The following SP3 variants were observed in gnomAD, a reference collection of about 807,000 sequenced individuals.
The protein encoded by SP3 is transcription factor Sp3.
A neutral mutation model predicts 70.3 loss-of-function variants in SP3; 10 were observed. The ratio of observed to expected loss-of-function variants is 0.14; its 90% CI spans 0.09 to 0.24. SP3 has a LOEUF of 0.24. SP3 is among the 10% of genes least tolerant of loss of function. The pLI is 1.00. For missense variants in SP3, 825 were observed against 914.6 expected (o/e 0.90, Z 1.26); for synonymous variants, 402 against 333.5 (o/e 1.21, Z -2.24).
intron 4 of SP3, among the ~76,000 whole-genome samples, chr2:173,927,881 A>C (rs900691718): frequency 3.9e-5 from 6 of 152,226 alleles, no homozygotes; most frequent in African/African-American, 1.4e-4. Flanking sequence ...CTTGGCAGGA[A>C]GCTCAGAACG....
rs200144231 is a variant in SP3 at position 173,904,478 on chromosome 2, GA to G, written c.*5462del. Among the ~76,000 whole-genome samples the G allele has an allele frequency of 8.3e-3, 1,266 of 152,318 alleles. 32 individuals carry two copies. Among genetic ancestry groups the G allele is most frequent in the East Asian group, 0.073 (378 of 5,186 alleles). On this transcript the variant is annotated 3_prime_UTR_variant, in exon 7 of 7. Coordinates refer to ENST00000310015, the MANE Select transcript of SP3 (RefSeq NM_003111.5). ...CTATCTTGTGGAACCCCAGGAGGAT[GA>G]AATGCAGATAGTGAAATGCAAGACA...
At chr2:173,956,894 T>C (rs115212010) in intron 3 of SP3, among the ~76,000 whole-genome samples, 1 of 152,210 alleles carries the variant, frequency 6.6e-6, no homozygotes, top group Non-Finnish European at 1.5e-5. Context: ...ACTGTGACTT[T>C]ACTTACTAGT....
intron 5 of SP3, 102 bp downstream of exon 5, chr2:173,918,491 T>C (rs1689667163): frequency 1.7e-6 from 2 of 1,186,756 alleles, no homozygotes; most frequent in South Asian, 1.6e-5. Context: ...AAAATGATCA[T>C]GTAATAATTT....
At chr2:173,916,074 G>A (rs573416459) in intron 5 of SP3, 2 of 152,074 alleles carry the variant, frequency 1.3e-5, no homozygotes, top group Admixed American at 6.5e-5. Flanking sequence ...CCTATGTTAT[G>A]CTTCTATCAA....
intron 4 of SP3, among the ~76,000 whole-genome samples, chr2:173,932,498 A>G (rs1318563618): frequency 6.6e-6 from 1 of 151,814 alleles, no homozygotes; most frequent in Non-Finnish European, 1.5e-5. Flanking sequence ...GAACTGGCCT[A>G]GTTTCAATAT....
In SP3 at chr2:173,954,858, T is replaced by C. The variant is rs777143181; in HGVS notation, c.1639+15A>G. On this transcript the variant is annotated intron_variant, in intron 4 of 6. Transcript: ENST00000310015. ...CACTGAACTTATTTATGGCATGACA[T>C]AACTTAAGACTCACCTGCAGGACTG... 3.7e-6 allele frequency: 6 copies of C among 1,600,818 alleles called. No individual in the cohort carries two copies. Among genetic ancestry groups the C allele is most frequent in the Admixed American group, 3.4e-5 (2 of 59,384 alleles).
At chr2:173,928,279 T>G (rs553035416) in intron 4 of SP3, among the ~76,000 whole-genome samples, 21 of 152,318 alleles carry the variant, frequency 1.4e-4, no homozygotes, top group African/African-American at 5.1e-4. Flanking sequence ...TTCAAACTGT[T>G]AAGTGTCAGC....
intron 6 of SP3, 108 bp downstream of exon 6, chr2:173,912,962 G>C: frequency 1.4e-6 from 1 of 708,496 alleles, no homozygotes; most frequent in Non-Finnish European, 2.0e-6. Flanking sequence ...GTAATTCATT[G>C]TATTTTAAAT....
intron 4 of SP3, among the ~76,000 whole-genome samples, chr2:173,933,638 T>TTATATACA (rs1553516839): frequency 9.2e-5 from 8 of 86,556 alleles, no homozygotes; most frequent in African/African-American, 1.2e-4. Flanking sequence ...TTATAAAACT[T>TTATATACA]TATATATATA....
At chr2:173,933,233 T>C (rs1690114566) in intron 4 of SP3, among the ~76,000 whole-genome samples, 1 of 124,290 alleles carries the variant, frequency 8.0e-6, no homozygotes, top group South Asian at 2.5e-4. Flanking sequence ...ATACAAATTA[T>C]TCATGAAATG....
At position 173,955,171 on chromosome 2, in the gene SP3, G is replaced by T; in HGVS notation, c.1341C>A (p.Thr447=). Residue 447 remains threonine (T), a synonymous_variant, in exon 4 of 7, where the codon ACC becomes ACA. Coordinates refer to ENST00000310015, the MANE Select transcript of SP3 (RefSeq NM_003111.5). The stretch of plus-strand genomic sequence containing the variant: ...TCACTGTCTGTGCCTGAATTAAAAA[G>T]GTTCCAGGATTCAGCTGCAACTGAA... ...QNLQLQLNPG[T]FLIQAQTVTP... The T allele has an allele frequency of 1.2e-6, 2 of 1,614,166 alleles. No individual in the cohort carries two copies. The highest frequency in any genetic ancestry group is 1.7e-6 in the Non-Finnish European group (2 of 1,180,036).
At chr2:173,959,681 A>G (rs900187843) in intron 3 of SP3, among the ~76,000 whole-genome samples, 4 of 152,132 alleles carry the variant, frequency 2.6e-5, no homozygotes, top group African/African-American at 9.7e-5. Context: ...TTGGGCCTGG[A>G]AGGCGGAGAT....
intron 4 of SP3, among the ~76,000 whole-genome samples, chr2:173,927,906 T>C (rs75415405): frequency 6.6e-6 from 1 of 152,206 alleles, no homozygotes; most frequent in African/African-American, 2.4e-5. Flanking sequence ...TTAATCTTTG[T>C]CTAATTATTC....
In SP3 at chr2:173,960,696, C is replaced by T. The variant is rs185252713; in HGVS notation, c.279+3065G>A. ...TAATAGTCACTTATTTTAGGCCAGGCGCAGTGGCTTACGCCTGTAATCCCA... is the reference window on the plus strand; with the variant it reads ...TAATAGTCACTTATTTTAGGCCAGGTGCAGTGGCTTACGCCTGTAATCCCA... On this transcript the variant is annotated intron_variant, in intron 3 of 6. Transcript: ENST00000310015. 3.6e-4 allele frequency among the ~76,000 whole-genome samples: 55 copies of T among 152,224 alleles called. 2 individuals carry two copies. The East Asian group carries it at 9.6e-3, about 27-fold the overall frequency.
At chr2:173,918,560 T>G (rs778340285) in intron 5 of SP3, 33 bp downstream of exon 5, 1 of 1,590,816 alleles carries the variant, frequency 6.3e-7, no homozygotes, top group South Asian at 1.1e-5. Context: ...ATTAGCACTC[T>G]TAAAAATATA....
At chr2:173,964,753 C>CCCTCCTCCTCCTCCTCTTTCCCT in intron 1 of SP3, 200 bp from the exon 2 acceptor site, 2 of 425,212 alleles carry the variant, frequency 4.7e-6, no homozygotes, top group Non-Finnish European at 8.2e-6. Context: ...CTGCCTGTAA[C>CCCTCCTCCTCCTCCTCTTTCCCT]CCTCCTCCTC....
At chr2:173,947,794 T>C (rs1690589158) in intron 4 of SP3, among the ~76,000 whole-genome samples, 1 of 152,236 alleles carries the variant, frequency 6.6e-6, no homozygotes, top group Non-Finnish European at 1.5e-5. Context: ...AATTTTTTTC[T>C]TTCTTTCTCA....
chr2:173,929,211 C>T (rs767779455), intron 4 of SP3, among the ~76,000 whole-genome samples: 8 of 152,086 alleles, frequency 5.3e-5, no homozygotes, highest in Non-Finnish European at 8.8e-5. Context: ...CAAAAAGGCA[C>T]GTGGCCATGC....
intron 1 of SP3, 135 bp downstream of exon 1, chr2:173,965,030 G>A: frequency 8.4e-7 from 1 of 1,185,514 alleles, no homozygotes; most frequent in Non-Finnish European, 1.2e-6. Context: ...GCAGGGGAGT[G>A]CAGCTTTCTG....
Sources: allele counts gnomAD v4.1 joint callset (sites outside exome capture counted in the v4.1 genomes callset), GRCh38; gene constraint gnomAD v4.1.1; transcripts MANE v1.5; gene names NCBI Gene and HGNC (gene_info 2026-07-23, HGNC 2026-07-21).